Variants in SYT2 observed in about 807,000 individuals in gnomAD.
The protein encoded by SYT2 is synaptotagmin 2, also known as synaptotagmin-2.
In SYT2, 15 loss-of-function variants were observed where a neutral mutation model predicts 39.9. The observed-to-expected ratio is 0.38, with a 90% CI of 0.25 to 0.58. SYT2 has a LOEUF of 0.58. Among genes scored for constraint, SYT2 ranks in the 20% least tolerant of loss-of-function variants. The pLI is 0.70. For synonymous variants in SYT2, 181 were observed against 204.5 expected, an observed-to-expected ratio of 0.89 and a Z score of 0.98; for missense variants, 389 against 530.3, an observed-to-expected ratio of 0.73 and a Z score of 2.62.
chr1:202,592,925 ATTGT>A lies in SYT2; in HGVS notation c.*3828_*3831del, dbSNP rs1398886470. ...GCCTAGGACATATTTACACTTAATAATTGTTTGTTGTTGAACTGAAATTCAAATG... is the reference window on the plus strand; with the variant it reads ...GCCTAGGACATATTTACACTTAATAATTGTTGTTGAACTGAAATTCAAATG... On this transcript the variant is annotated 3_prime_UTR_variant, in exon 9 of 9. Coordinates refer to ENST00000367268, the MANE Select transcript of SYT2 (RefSeq NM_177402.5). 4 of 152,218 alleles carry A rather than the reference ATTGT, an allele frequency of 2.6e-5. No individual in the cohort carries two copies. The highest frequency in any genetic ancestry group is 2.1e-4 in the South Asian group (1 of 4,832). The allele number at this position is 152,218 out of a possible 1,614,324, so 9.4% of individuals were successfully genotyped here.
intron 1 of SYT2, among the ~76,000 whole-genome samples, chr1:202,647,950 G>A (rs578220380): frequency 1.6e-3 from 243 of 152,244 alleles, no homozygotes; most frequent in Non-Finnish European, 3.0e-3. Context: ...TGGATACCAC[G>A]ATGGTTCAAA....
intron 5 of SYT2, 70 bp from the exon 6 acceptor site, chr1:202,602,127 G>T (rs1263389439): frequency 5.7e-6 from 9 of 1,565,766 alleles, no homozygotes; most frequent in Non-Finnish European, 7.8e-6. Flanking sequence ...TATGGGCAGG[G>T]GCCTGCATTC....
At position 202,593,389 on chromosome 1, in the gene SYT2, A is replaced by G. The variant is rs1690189796; in HGVS notation, c.*3368T>C. The stretch of plus-strand genomic sequence containing the variant: ...TTATAAGAGAGCTGCTTTTACCCAC[A>G]GGAGGGCTGTAGTGACCTCTCTTCT... On this transcript the variant is annotated 3_prime_UTR_variant, in exon 9 of 9. Transcript: ENST00000367268. 6.6e-6 allele frequency: 1 copy of G among 152,162 alleles called. No individual in the cohort carries two copies. The allele number at this position is 152,162 out of a possible 1,614,324, so 9.4% of individuals were successfully genotyped here. A position where few individuals can be genotyped will look rare whatever the true frequency, so the allele number is the denominator to read the frequency against.
chr1:202,656,219 C>G (rs4950863), intron 1 of SYT2, among the ~76,000 whole-genome samples: 2 of 152,006 alleles, frequency 1.3e-5, no homozygotes, highest in South Asian at 4.1e-4. Flanking sequence ...CAGTCAGTCA[C>G]GGAGCATCAG....
At chr1:202,636,697 C>T (rs2149094037) in intron 1 of SYT2, among the ~76,000 whole-genome samples, 1 of 152,316 alleles carries the variant, frequency 6.6e-6, no homozygotes. Context: ...TTCAGAAACA[C>T]CATAATAACA....
chr1:202,688,290 G>A (rs1653723555), intron 1 of SYT2, among the ~76,000 whole-genome samples: 1 of 152,232 alleles, frequency 6.6e-6, no homozygotes, highest in African/African-American at 2.4e-5. Context: ...AGTGTGAAAT[G>A]AGAGGATATG....
At chr1:202,632,679 A>C (rs1299402635) in intron 1 of SYT2, 2 of 695,498 alleles carry the variant, frequency 2.9e-6, no homozygotes, top group African/African-American at 1.9e-5. Flanking sequence ...GGAGGAATCC[A>C]GAGCCCACCT....
At chr1:202,620,182 G>T (rs371239665) in intron 1 of SYT2, among the ~76,000 whole-genome samples, 22 of 152,330 alleles carry the variant, frequency 1.4e-4, no homozygotes, top group African/African-American at 5.1e-4. Flanking sequence ...TCCACTGGCC[G>T]CTGTCCTTCT....
At chr1:202,646,950 A>G (rs1291958250) in intron 1 of SYT2, among the ~76,000 whole-genome samples, 1 of 152,104 alleles carries the variant, frequency 6.6e-6, no homozygotes, top group Non-Finnish European at 1.5e-5. Flanking sequence ...GCTCATCCCC[A>G]CTGAGGCTTT....
chr1:202,666,709 C>T (rs369915363), intron 1 of SYT2, among the ~76,000 whole-genome samples: 7 of 152,226 alleles, frequency 4.6e-5, no homozygotes, highest in South Asian at 2.1e-4. Flanking sequence ...AGGCCAGGCA[C>T]GGTGGCTCAT....
intron 1 of SYT2, among the ~76,000 whole-genome samples, chr1:202,680,292 C>T (rs1653491691): frequency 1.3e-5 from 2 of 152,336 alleles, no homozygotes; most frequent in Non-Finnish European, 2.9e-5. Context: ...ATACCAGTTT[C>T]TGCCCCTAGG....
chr1:202,597,430 C>G (rs1690336951), intron 8 of SYT2, among the ~76,000 whole-genome samples: 1 of 152,156 alleles, frequency 6.6e-6, no homozygotes, highest in Admixed American at 6.5e-5. Flanking sequence ...GAGAATTTCT[C>G]TAGGAGGAGA....
chr1:202,709,927 G>T (rs1172548383), intron 1 of SYT2, among the ~76,000 whole-genome samples: 1 of 152,188 alleles, frequency 6.6e-6, no homozygotes, highest in Non-Finnish European at 1.5e-5. Context: ...AGGGACGGGG[G>T]CGCAGAGCCG....
chr1:202,615,519 C>T (rs1481983687), intron 1 of SYT2, among the ~76,000 whole-genome samples: 1 of 152,158 alleles, frequency 6.6e-6, no homozygotes, highest in African/African-American at 2.4e-5. Flanking sequence ...CCACAGTAGC[C>T]TCCTATCTGG....
In SYT2 at chr1:202,601,932, G is replaced by GGGC; in HGVS notation, c.756_758dup (p.Pro253dup). On this transcript the variant is annotated inframe_insertion, in exon 6 of 9. Coordinates refer to ENST00000367268, the MANE Select transcript of SYT2 (RefSeq NM_177402.5). This position sits in a 1 kb window ranked among gnomAD's most constrained non-coding sequence, Gnocchi z 4.0. ...CTTGCAGGTCTCTCCACTCCTCAAT[G>GGGC]GGCTGGCCGAGGTCCACTGTGTTCA... 1 of 1,614,130 alleles carries GGGC rather than the reference G, an allele frequency of 6.2e-7. No homozygotes were observed. The highest frequency in any genetic ancestry group is 8.5e-7 in the Non-Finnish European group (1 of 1,180,016).
chr1:202,593,877 T>C lies in SYT2; in HGVS notation c.*2880A>G, dbSNP rs1690205381. The C allele has an allele frequency of 6.6e-6, 1 of 152,178 alleles. No individual in the cohort carries two copies. The highest frequency in any genetic ancestry group is 6.5e-5 in the Admixed American group (1 of 15,276). The allele number at this position is 152,178 out of a possible 1,614,324, so 9.4% of individuals were successfully genotyped here. A position where few individuals can be genotyped will look rare whatever the true frequency, so the allele number is the denominator to read the frequency against. On this transcript the variant is annotated 3_prime_UTR_variant, in exon 9 of 9. Coordinates refer to ENST00000367268, the MANE Select transcript of SYT2 (RefSeq NM_177402.5). ...ATGAAAACTCACAGCCCCAGAGGCG[T>C]CCAGAACCCCTTACTAGCCAGACAC...
intron 1 of SYT2, among the ~76,000 whole-genome samples, chr1:202,624,629 G>C (rs1318337678): frequency 6.8e-6 from 1 of 147,578 alleles, no homozygotes; most frequent in Non-Finnish European, 1.5e-5. Flanking sequence ...TAGAGTGTGT[G>C]TATGGCATGT....
At chr1:202,654,270 T>G (rs1178430587) in intron 1 of SYT2, among the ~76,000 whole-genome samples, 3 of 152,316 alleles carry the variant, frequency 2.0e-5, no homozygotes, top group Non-Finnish European at 2.9e-5. Context: ...AGGACTAATA[T>G]TTTCACAGTC....
chr1:202,619,471 A>G (rs770596389), intron 1 of SYT2, among the ~76,000 whole-genome samples: 10 of 152,308 alleles, frequency 6.6e-5, no homozygotes, highest in South Asian at 4.1e-4. Flanking sequence ...AAGACACACA[A>G]GGGAAGGGAC....
Sources: gnomAD v4.1 joint callset for allele counts (sites outside exome capture counted in the v4.1 genomes callset) on GRCh38, gnomAD v4.1.1 for gene constraint, Gnocchi (gnomAD v3.1) non-coding constraint, MANE v1.5 for transcripts, NCBI Gene and HGNC (gene_info 2026-07-23, HGNC 2026-07-21) for gene names.